Variants in FLT3 observed in about 807,000 individuals in gnomAD.
The protein encoded by FLT3 is receptor-type tyrosine-protein kinase FLT3.
In FLT3, 46 loss-of-function variants were observed where a neutral mutation model predicts 126.6. That is an observed-to-expected ratio of 0.36 (90% CI 0.29 to 0.46). FLT3 has a LOEUF of 0.46. FLT3 is among the 20% of genes least tolerant of loss of function. FLT3 has a pLI of 1.00. For missense variants in FLT3, 1,069 were observed against 1,190.3 expected, an observed-to-expected ratio of 0.90 and a Z score of 1.50; for synonymous variants, 404 against 434.4, an observed-to-expected ratio of 0.93 and a Z score of 0.87.
At chr13:28,042,401 T>C in intron 9 of FLT3, among the ~76,000 whole-genome samples, 1 of 152,096 alleles carries the variant, frequency 6.6e-6, no homozygotes. Context: ...ATTTCATGTT[T>C]ATACAAAGAT....
intron 5 of FLT3, 75 bp from the exon 6 acceptor site, chr13:28,050,297 A>G: frequency 6.9e-7 from 1 of 1,446,110 alleles, no homozygotes; most frequent in Non-Finnish European, 9.6e-7. Context: ...AGGAGAACAA[A>G]GTTCTAGAGC....
chr13:28,049,213 G>A (rs1875193708), intron 8 of FLT3, among the ~76,000 whole-genome samples, 171 bp downstream of exon 8: 1 of 152,156 alleles, frequency 6.6e-6, no homozygotes, highest in African/African-American at 2.4e-5. Context: ...GGTTTAACGG[G>A]AAAAGGAAGA....
chr13:28,058,175 A>G (rs112211042), intron 3 of FLT3, among the ~76,000 whole-genome samples: 1 of 146,230 alleles, frequency 6.8e-6, no homozygotes, highest in African/African-American at 2.5e-5. Context: ...CCTGGGCCAC[A>G]TAGTGAGACC....
intron 1 of FLT3, among the ~76,000 whole-genome samples, chr13:28,071,342 T>C (rs567438156): frequency 2.0e-5 from 3 of 152,140 alleles, no homozygotes; most frequent in South Asian, 2.1e-4. Flanking sequence ...TGGGTGCTTA[T>C]AGAATCTTTT....
chr13:28,021,784 C>A (rs1872412489), intron 19 of FLT3, among the ~76,000 whole-genome samples: 1 of 151,614 alleles, frequency 6.6e-6, no homozygotes, highest in Non-Finnish European at 1.5e-5. Flanking sequence ...ACTCTGTCGC[C>A]CAGGCTGGAG....
intron 12 of FLT3, among the ~76,000 whole-genome samples, chr13:28,034,942 C>T: frequency 1.8e-5 from 1 of 55,004 alleles, no homozygotes; most frequent in Non-Finnish European, 4.1e-5. Context: ...GAGTCTCCAT[C>T]TCAAAAAAAA....
At chr13:28,027,871 T>C (rs1283151357) in intron 16 of FLT3, among the ~76,000 whole-genome samples, 1 of 152,228 alleles carries the variant, frequency 6.6e-6, no homozygotes, top group Non-Finnish European at 1.5e-5. Context: ...GTGCACCAGC[T>C]TCCAAGCTGG....
At chr13:28,072,564 T>C (rs1456762277) in intron 1 of FLT3, among the ~76,000 whole-genome samples, 4 of 152,154 alleles carry the variant, frequency 2.6e-5, no homozygotes, top group Non-Finnish European at 5.9e-5. Flanking sequence ...GCCCAGCTAA[T>C]TTTCGTGTTT....
chr13:28,071,862 G>A (rs1471739718), intron 1 of FLT3, among the ~76,000 whole-genome samples: 3 of 151,776 alleles, frequency 2.0e-5, no homozygotes, highest in African/African-American at 7.3e-5. Context: ...TTTTTTAAGA[G>A]ACAGGATCTC....
intron 11 of FLT3, 98 bp from the exon 12 acceptor site, chr13:28,035,771 T>A: frequency 7.5e-7 from 1 of 1,336,088 alleles, no homozygotes; most frequent in East Asian, 2.3e-5. Flanking sequence ...TCATCCAGTA[T>A]AAGTTATCAG....
chr13:28,064,008 A>C (rs1467368268), intron 2 of FLT3, among the ~76,000 whole-genome samples: 1 of 152,056 alleles, frequency 6.6e-6, no homozygotes, highest in Non-Finnish European at 1.5e-5. Context: ...ATGGTGGTAC[A>C]TGCCTGTAGT....
intron 23 of FLT3, among the ~76,000 whole-genome samples, chr13:28,006,618 T>C (rs745963180): frequency 9.9e-5 from 15 of 151,962 alleles, no homozygotes; most frequent in Non-Finnish European, 1.9e-4. Flanking sequence ...TCTCACTGTC[T>C]AGAAGTTTCT....
intron 1 of FLT3, among the ~76,000 whole-genome samples, chr13:28,080,237 G>T (rs563625079): frequency 6.6e-6 from 1 of 152,268 alleles, no homozygotes; most frequent in South Asian, 2.1e-4. Flanking sequence ...TTAGCTGGGC[G>T]CCATGGCGCA....
In FLT3 at chr13:28,072,547, C is replaced by T. The variant is rs1000277067; in HGVS notation, c.44-1935G>A. On this transcript the variant is annotated intron_variant, in intron 1 of 23. Coordinates refer to ENST00000241453, the MANE Select transcript of FLT3 (RefSeq NM_004119.3). ...AAGTAGCTGGGATCACGGGTGTGCG[C>T]CATCATGCCCAGCTAATTTTCGTGT... Among the ~76,000 whole-genome samples, 13 of 152,124 alleles carry T rather than the reference C, an allele frequency of 8.5e-5. No individual in the cohort carries two copies. The South Asian group carries it at 1.2e-3, about 15-fold the overall frequency.
At chr13:28,023,222 C>A (rs73436965) in intron 19 of FLT3, 128 bp downstream of exon 19, 1 of 942,150 alleles carries the variant, frequency 1.1e-6, no homozygotes. Flanking sequence ...CGCTAGGTGA[C>A]TCCAACAGTG....
intron 1 of FLT3, among the ~76,000 whole-genome samples, chr13:28,074,938 T>C (rs1471662925): frequency 1.3e-5 from 2 of 152,148 alleles, no homozygotes; most frequent in African/African-American, 4.8e-5. Flanking sequence ...TCAGCCCTCA[T>C]TGTGGTTTTA....
At chr13:28,026,952 T>C (rs2137650580) in intron 17 of FLT3, 136 bp downstream of exon 17, 1 of 724,172 alleles carries the variant, frequency 1.4e-6, no homozygotes, top group Non-Finnish European at 2.4e-6. Flanking sequence ...ATAGCAAAGA[T>C]TCAGGAAATC....
Position 28,048,518 on chromosome 13 carries a change from C to T in FLT3, c.1037-75G>A, listed in dbSNP as rs1003638566. ...AAACGTATTGAGAAGATAAAATAAA[C>T]TTGTATTCATCAGTTTAACACAGGA... is the stretch of plus-strand genomic sequence containing the variant. On this transcript the variant is annotated intron_variant, in intron 8 of 23. Coordinates refer to ENST00000241453, the MANE Select transcript of FLT3 (RefSeq NM_004119.3). 5 of 1,028,190 alleles carry T rather than the reference C, an allele frequency of 4.9e-6. No individual in the cohort carries two copies. The African/African-American group carries it at 8.0e-5, about 17-fold the overall frequency. The allele number at this position is 1,028,190 out of a possible 1,614,324, so 63.7% of individuals were successfully genotyped here. A position where few individuals can be genotyped will look rare whatever the true frequency, so the allele number is the denominator to read the frequency against.
rs145998293 is a variant in FLT3, at chr13:28,014,453, G to A, written c.2858C>T (p.Ala953Val). The A allele has an allele frequency of 2.2e-5, 35 of 1,605,528 alleles. No individual in the cohort carries two copies. The Admixed American group carries it at 4.0e-4, about 18-fold the overall frequency. ...LGCQLADAEE[A>V]MYQNVDGRVS... ...TATAAAGTCCTGGCTGCTACATACC[G>A]CTTCTTCTGCATCTGCCAGCTGACA... The change falls in exon 23 of 24, where the codon GCG (alanine) becomes GTG (valine). Residue 953 changes from alanine (A) to valine (V), a missense_variant and splice_region_variant. Transcript: ENST00000241453.
Sources: allele counts gnomAD v4.1 joint callset (sites outside exome capture counted in the v4.1 genomes callset), GRCh38; gene constraint gnomAD v4.1.1; transcripts MANE v1.5; gene names NCBI Gene and HGNC (gene_info 2026-07-23, HGNC 2026-07-21).